Variants in L3MBTL3 observed in about 807,000 individuals in gnomAD.
The protein encoded by L3MBTL3 is lethal(3)malignant brain tumor-like protein 3.
In L3MBTL3, 27 loss-of-function variants were observed where a neutral mutation model predicts 102.3. The observed-to-expected ratio is 0.26, with a 90% CI of 0.19 to 0.36. The LOEUF (loss-of-function observed/expected upper bound fraction) is 0.36, where lower values mean the gene tolerates loss of function less well. Ranked by LOEUF, L3MBTL3 falls within the 10% of genes least tolerant of loss-of-function variation. The pLI is 1.00. For missense variants in L3MBTL3, 798 were observed against 955.3 expected, an observed-to-expected ratio of 0.84 and a Z score of 2.17; for synonymous variants, 340 against 320.9, an observed-to-expected ratio of 1.06 and a Z score of -0.64.
intron 19 of L3MBTL3, among the ~76,000 whole-genome samples, chr6:130,109,277 G>C (rs1242236907): frequency 6.6e-6 from 1 of 152,160 alleles, no homozygotes; most frequent in Non-Finnish European, 1.5e-5. Context: ...TTGAGGAATT[G>C]CCACAGTGTC....
At chr6:130,138,970 G>A (rs1044015631) in intron 22 of L3MBTL3, among the ~76,000 whole-genome samples, 1 of 152,130 alleles carries the variant, frequency 6.6e-6, no homozygotes, top group Non-Finnish European at 1.5e-5. Flanking sequence ...GAGAGAGGAA[G>A]GGTCTTTCTC....
At chr6:130,076,530 G>A (rs1267056425) in intron 13 of L3MBTL3, among the ~76,000 whole-genome samples, 1 of 151,996 alleles carries the variant, frequency 6.6e-6, no homozygotes, top group Non-Finnish European at 1.5e-5. Flanking sequence ...TTGGGTCTTA[G>A]CAGTCATTAT....
chr6:130,075,830 C>A (rs1329774359), intron 13 of L3MBTL3, among the ~76,000 whole-genome samples: 1 of 152,170 alleles, frequency 6.6e-6, no homozygotes, highest in Admixed American at 6.5e-5. Context: ...ACTTTCTTTT[C>A]ACTCAGCCTG....
chr6:130,097,651 C>T (rs975697777), intron 18 of L3MBTL3, among the ~76,000 whole-genome samples: 3 of 152,180 alleles, frequency 2.0e-5, no homozygotes, highest in Non-Finnish European at 4.4e-5. Context: ...TTAATTCCAA[C>T]TCTCTAGCAA....
chr6:130,044,704 C>A (rs1004814288), intron 3 of L3MBTL3, among the ~76,000 whole-genome samples: 1 of 152,042 alleles, frequency 6.6e-6, no homozygotes, highest in Admixed American at 6.6e-5. Flanking sequence ...ATTTAAATGT[C>A]ATTTTCTTTT....
In L3MBTL3 at chr6:130,052,840, G is replaced by T; in HGVS notation, c.450-19G>T. 1 of 1,606,168 alleles carries T rather than the reference G, an allele frequency of 6.2e-7. No individual in the cohort carries two copies. Among genetic ancestry groups the T allele is most frequent in the Admixed American group, 1.7e-5 (1 of 59,234 alleles). On this transcript the variant is annotated intron_variant, in intron 6 of 22. Transcript: ENST00000361794. Reference sequence around the variant, plus strand: ...AGGTATTGTCTCTTGTCACTATTTTGGGTTTATAAACACAACAGAGATCAG... The same window carrying T: ...AGGTATTGTCTCTTGTCACTATTTTTGGTTTATAAACACAACAGAGATCAG...
intron 2 of L3MBTL3, among the ~76,000 whole-genome samples, chr6:130,022,758 C>T (rs1289728062): frequency 6.6e-6 from 1 of 152,166 alleles, no homozygotes; most frequent in African/African-American, 2.4e-5. Flanking sequence ...GTATTTGTCA[C>T]ATAACTTCTA....
chr6:130,048,011 C>T (rs1301221943), intron 3 of L3MBTL3, among the ~76,000 whole-genome samples: 1 of 152,130 alleles, frequency 6.6e-6, no homozygotes, highest in Admixed American at 6.5e-5. Context: ...TAACCATTTC[C>T]ACACGTTTAG....
intron 13 of L3MBTL3, among the ~76,000 whole-genome samples, chr6:130,076,618 C>T (rs543097044): frequency 6.6e-6 from 1 of 152,110 alleles, no homozygotes; most frequent in South Asian, 2.1e-4. Flanking sequence ...CATAAAAACC[C>T]AGAAGAAAGG....
At chr6:130,048,145 A>ATG (rs1426614410) in intron 3 of L3MBTL3, among the ~76,000 whole-genome samples, 1 of 152,232 alleles carries the variant, frequency 6.6e-6, no homozygotes, top group African/African-American at 2.4e-5. Flanking sequence ...GCAGTTTAGA[A>ATG]TGTAGTTTAG....
rs183710617 is a variant in L3MBTL3, at chr6:130,126,048, G to A, written c.1966+5090G>A. Among the ~76,000 whole-genome samples, 31 of 151,126 alleles carry A rather than the reference G, an allele frequency of 2.1e-4. 1 individual carries two copies. Among genetic ancestry groups the A allele is most frequent in the Admixed American group, 1.8e-3 (27 of 15,148 alleles). On this transcript the variant is annotated intron_variant, in intron 20 of 22. Coordinates refer to ENST00000361794, the MANE Select transcript of L3MBTL3 (RefSeq NM_032438.4). The stretch of plus-strand genomic sequence containing the variant: ...CTATGCTACTGAATTTGATCTTTGG[G>A]GACTTTAACTCAATACTTCCCTCCC...
intron 9 of L3MBTL3, among the ~76,000 whole-genome samples, chr6:130,059,687 C>T (rs74979947): frequency 0.01 from 1,578 of 152,288 alleles, 14 homozygotes; most frequent in Non-Finnish European, 0.016. Flanking sequence ...TGTCTGTTTT[C>T]CTACAGCTTT....
At chr6:130,126,410 A>C (rs1386468820) in intron 20 of L3MBTL3, among the ~76,000 whole-genome samples, 1 of 152,106 alleles carries the variant, frequency 6.6e-6, no homozygotes, top group East Asian at 1.9e-4. Flanking sequence ...CCTAATGGAA[A>C]CAGTCTGGTA....
chr6:130,025,748 TTCTC>T (rs1779301576), intron 2 of L3MBTL3, among the ~76,000 whole-genome samples: 1 of 152,178 alleles, frequency 6.6e-6, no homozygotes. Flanking sequence ...TTATTATTCT[TTCTC>T]CCATATATAC....
Position 130,049,757 on chromosome 6 carries a change from C to T in L3MBTL3, c.216C>T (p.Ala72=). The change falls in exon 5 of 23, where the codon GCC becomes GCT. Residue 72 remains alanine, a splice_region_variant and synonymous_variant. Coordinates refer to ENST00000361794, the MANE Select transcript of L3MBTL3 (RefSeq NM_032438.4). Reference sequence around the variant, plus strand: ...TGACTCCTAAATCTACATCTCCAGCCCCGACCTCTCCCCCGAGCTCCAGGC... The same window carrying T: ...TGACTCCTAAATCTACATCTCCAGCTCCGACCTCTCCCCCGAGCTCCAGGC... ...TTWMVPTAQE[A]PTSPPSSRPV... The T allele has an allele frequency of 2.5e-6, 4 of 1,614,058 alleles. No individual in the cohort carries two copies. The highest frequency in any genetic ancestry group is 3.4e-6 in the Non-Finnish European group (4 of 1,179,972).
intron 22 of L3MBTL3, among the ~76,000 whole-genome samples, chr6:130,139,094 A>G (rs887540255): frequency 3.8e-5 from 3 of 77,942 alleles, no homozygotes; most frequent in African/African-American, 1.5e-4. Flanking sequence ...TTCTGTGTGT[A>G]AAGACTTAAC....
intron 19 of L3MBTL3, among the ~76,000 whole-genome samples, chr6:130,110,069 G>T (rs959204787): frequency 1.3e-5 from 2 of 152,064 alleles, no homozygotes; most frequent in African/African-American, 4.8e-5. Context: ...ATCTGTTTTG[G>T]TACCAGTACC....
intron 20 of L3MBTL3, among the ~76,000 whole-genome samples, chr6:130,121,837 G>A (rs893162640): frequency 6.6e-6 from 1 of 152,200 alleles, no homozygotes; most frequent in African/African-American, 2.4e-5. Flanking sequence ...CCTGAGGTCA[G>A]GAGTTTGAGA....
intron 2 of L3MBTL3, among the ~76,000 whole-genome samples, 171 bp downstream of exon 2, chr6:130,022,476 GAAAC>G (rs2114433610): frequency 6.6e-6 from 1 of 152,318 alleles, no homozygotes; most frequent in East Asian, 1.9e-4. Flanking sequence ...TAGTTTGGAT[GAAAC>G]ATTAGGAAGT....
Sources: gnomAD v4.1 joint callset for allele counts (sites outside exome capture counted in the v4.1 genomes callset) on GRCh38, gnomAD v4.1.1 for gene constraint, MANE v1.5 for transcripts, NCBI Gene and HGNC (gene_info 2026-07-23, HGNC 2026-07-21) for gene names.